The following GALNTL6 variants were observed in gnomAD, a reference collection of about 807,000 sequenced individuals.
The protein encoded by GALNTL6 is polypeptide N-acetylgalactosaminyltransferase-like 6.
In GALNTL6, 46 loss-of-function variants were observed where a neutral mutation model predicts 73.7. That is an observed-to-expected ratio of 0.62 (90% CI 0.49 to 0.80). The LOEUF (loss-of-function observed/expected upper bound fraction) is 0.80. Among genes scored for constraint, GALNTL6 ranks in the 30% least tolerant of loss-of-function variants. GALNTL6 has a pLI of 0.00. For synonymous variants in GALNTL6, 259 were observed against 263.7 expected (o/e 0.98, Z 0.17); for missense variants, 604 against 755.0 (o/e 0.80, Z 2.34).
At chr4:172,450,580 C>A in intron 5 of GALNTL6, among the ~76,000 whole-genome samples, 1 of 152,220 alleles carries the variant, frequency 6.6e-6, no homozygotes, top group East Asian at 1.9e-4. Context: ...CTGCTTAAAC[C>A]TTCAATGGCT....
chr4:172,191,662 C>A (rs111515410), intron 2 of GALNTL6, among the ~76,000 whole-genome samples: 128 of 152,308 alleles, frequency 8.4e-4, no homozygotes, highest in Middle Eastern at 3.4e-3. Context: ...TTGGTACAGA[C>A]TATTCTCATT....
At chr4:172,523,308 C>T (rs1734846861) in intron 5 of GALNTL6, among the ~76,000 whole-genome samples, 1 of 152,154 alleles carries the variant, frequency 6.6e-6, no homozygotes, top group Non-Finnish European at 1.5e-5. Context: ...CCCCAGGCTC[C>T]CCAAAGACTG....
At chr4:172,692,153 C>T (rs140226172) in intron 5 of GALNTL6, among the ~76,000 whole-genome samples, 22 of 152,110 alleles carry the variant, frequency 1.4e-4, no homozygotes, top group East Asian at 7.8e-4. Context: ...TCACTCTTAA[C>T]GCTTACTCTC....
chr4:172,581,881 T>G (rs1022466732), intron 5 of GALNTL6, among the ~76,000 whole-genome samples: 1 of 152,220 alleles, frequency 6.6e-6, no homozygotes, highest in East Asian at 1.9e-4. Flanking sequence ...TCTTTGATCT[T>G]CAGACCAGGT....
chr4:172,896,502 A>T (rs1024081224), intron 8 of GALNTL6, among the ~76,000 whole-genome samples: 1 of 152,204 alleles, frequency 6.6e-6, no homozygotes, highest in African/African-American at 2.4e-5. Context: ...ACAGGGGTTC[A>T]AGCCTAGAAG....
At chr4:172,042,066 G>C (rs1473464042) in intron 2 of GALNTL6, among the ~76,000 whole-genome samples, 1 of 151,968 alleles carries the variant, frequency 6.6e-6, no homozygotes, top group Non-Finnish European at 1.5e-5. Flanking sequence ...CCACCTTCCA[G>C]CTGCTCCAGT....
chr4:172,063,355 C>T (rs72698968), intron 2 of GALNTL6, among the ~76,000 whole-genome samples: 3,070 of 152,218 alleles, frequency 0.02, 36 homozygotes, highest in Non-Finnish European at 0.03. Flanking sequence ...CAAAGCATGG[C>T]TGATTTATGT....
intron 2 of GALNTL6, among the ~76,000 whole-genome samples, chr4:172,003,711 A>G (rs913067009): frequency 6.6e-6 from 1 of 152,104 alleles, no homozygotes; most frequent in Non-Finnish European, 1.5e-5. Flanking sequence ...TAAAATGGTT[A>G]CATATGTCTT....
intron 2 of GALNTL6, among the ~76,000 whole-genome samples, chr4:172,121,167 T>C (rs1169106527): frequency 6.6e-6 from 1 of 152,028 alleles, no homozygotes; most frequent in Non-Finnish European, 1.5e-5. Context: ...TATTTTGAGA[T>C]AATTATACTT....
Position 172,695,169 on chromosome 4 carries a change from G to A in GALNTL6, c.554-114192G>A, listed in dbSNP as rs1375126017. On this transcript the variant is annotated intron_variant, in intron 5 of 12. Transcript: ENST00000506823. ...CTTTATCTTCTTCCTTTACAATGTC[G>A]ACATAAAAAAGTAGGAGATCAAAAG... Among the ~76,000 whole-genome samples, 12 of 151,746 alleles carry A rather than the reference G, an allele frequency of 7.9e-5. No homozygotes were observed. In the South Asian group the frequency reaches 8.3e-4, roughly 10 times the overall value.
intron 5 of GALNTL6, among the ~76,000 whole-genome samples, chr4:172,676,552 G>A (rs1307340891): frequency 1.3e-5 from 2 of 152,194 alleles, no homozygotes; most frequent in East Asian, 3.9e-4. Flanking sequence ...GGTGCATTGA[G>A]CAAGCAATTT....
intron 11 of GALNTL6, among the ~76,000 whole-genome samples, chr4:173,014,831 C>T (rs990114710): frequency 2.0e-5 from 3 of 152,166 alleles, no homozygotes; most frequent in African/African-American, 7.2e-5. Flanking sequence ...CAACATGACA[C>T]ATATCACATT....
At chr4:172,949,736 C>T (rs1476145026) in intron 9 of GALNTL6, among the ~76,000 whole-genome samples, 1 of 151,562 alleles carries the variant, frequency 6.6e-6, no homozygotes, top group African/African-American at 2.4e-5. Context: ...AGTGAAACCC[C>T]ATCTCTACTA....
At chr4:172,650,813 A>G (rs1367107535) in intron 5 of GALNTL6, among the ~76,000 whole-genome samples, 1 of 152,196 alleles carries the variant, frequency 6.6e-6, no homozygotes, top group African/African-American at 2.4e-5. Flanking sequence ...AAAATAAAAT[A>G]AAAGGGCCTA....
intron 5 of GALNTL6, among the ~76,000 whole-genome samples, chr4:172,645,945 G>A (rs1740223886): frequency 1.3e-5 from 2 of 151,838 alleles, no homozygotes; most frequent in South Asian, 4.2e-4. Context: ...GATATAGGGA[G>A]AACACCTCTT....
intron 2 of GALNTL6, among the ~76,000 whole-genome samples, chr4:171,990,308 A>AT (rs1006531083): frequency 2.5e-4 from 38 of 152,250 alleles, no homozygotes; most frequent in African/African-American, 7.9e-4. Context: ...TAATTCACTT[A>AT]TTTTTTTCAA....
intron 2 of GALNTL6, among the ~76,000 whole-genome samples, chr4:172,069,415 G>T: frequency 1.1e-5 from 1 of 94,416 alleles, no homozygotes; most frequent in Admixed American, 1.2e-4. Flanking sequence ...ACACATATAT[G>T]TTATATATAA....
At chr4:172,574,327 G>A (rs554340273) in intron 5 of GALNTL6, among the ~76,000 whole-genome samples, 14 of 152,030 alleles carry the variant, frequency 9.2e-5, no homozygotes, top group African/African-American at 3.4e-4. Context: ...TAGGGAATCT[G>A]TGATTGGAAA....
intron 2 of GALNTL6, among the ~76,000 whole-genome samples, chr4:171,917,356 A>G (rs1737660971): frequency 1.3e-5 from 2 of 152,082 alleles, no homozygotes; most frequent in Admixed American, 1.3e-4. Context: ...TAATTTGCCA[A>G]GGATTTGAAC....
Sources: allele counts gnomAD v4.1 joint callset (sites outside exome capture counted in the v4.1 genomes callset), GRCh38; gene constraint gnomAD v4.1.1; transcripts MANE v1.5; gene names NCBI Gene and HGNC (gene_info 2026-07-23, HGNC 2026-07-21).